YTHDC2: variants seen among roughly 807,000 people sequenced by gnomAD.
YTHDC2 encodes the protein 3'-5' RNA helicase YTHDC2.
In YTHDC2, 45 loss-of-function variants were observed where a neutral mutation model predicts 174.9. The ratio of observed to expected loss-of-function variants is 0.26; its 90% CI spans 0.20 to 0.33. YTHDC2 has a LOEUF of 0.33. YTHDC2 is among the 10% of genes least tolerant of loss of function. YTHDC2 has a pLI of 1.00. For synonymous variants in YTHDC2, 657 were observed against 574.5 expected (o/e 1.14, Z -2.05); for missense variants, 1,650 against 1,723.7 (o/e 0.96, Z 0.76).
At position 113,516,767 on chromosome 5, in the gene YTHDC2, A is replaced by C. The variant is rs192414680; in HGVS notation, c.278+1405A>C. Among the ~76,000 whole-genome samples the C allele has an allele frequency of 2.1e-3, 322 of 152,350 alleles. 3 individuals carry two copies. Among genetic ancestry groups the C allele is most frequent in the Non-Finnish European group, 2.6e-3 (180 of 68,026 alleles). On this transcript the variant is annotated intron_variant, in intron 2 of 29. Coordinates refer to ENST00000161863, the MANE Select transcript of YTHDC2 (RefSeq NM_022828.5). Reference sequence around the variant, plus strand: ...GAAGAGGGAAAACAAAACTTTATTAAGTAAATATATTAATAAATATTCAGA... The same window carrying C: ...GAAGAGGGAAAACAAAACTTTATTACGTAAATATATTAATAAATATTCAGA...
intron 4 of YTHDC2, among the ~76,000 whole-genome samples, chr5:113,530,041 A>G (rs1774546462): frequency 6.6e-6 from 1 of 152,096 alleles, no homozygotes; most frequent in Admixed American, 6.6e-5. Flanking sequence ...GCCTCAAGGG[A>G]TCCTCCTGCT....
chr5:113,571,655 T>C, intron 23 of YTHDC2, among the ~76,000 whole-genome samples: 1 of 152,190 alleles, frequency 6.6e-6, no homozygotes, highest in East Asian at 1.9e-4. Context: ...TTTCCAAACT[T>C]GTTATTGGTC....
Position 113,560,008 on chromosome 5 carries a change from G to C in YTHDC2, c.2217-1072G>C, listed in dbSNP as rs1776852172. The stretch of plus-strand genomic sequence containing the variant: ...GCTTATTATGACAGTGTTTTGAGAA[G>C]AGTTAGCTAAAGCTTTAGCAGAAAA... On this transcript the variant is annotated intron_variant, in intron 17 of 29. Transcript: ENST00000161863. Among the ~76,000 whole-genome samples, 3 of 152,192 alleles carry C rather than the reference G, an allele frequency of 2.0e-5. No individual in the cohort carries two copies. The South Asian group carries it at 6.2e-4, about 32-fold the overall frequency.
chr5:113,588,183 G>C (rs762479567), intron 26 of YTHDC2, among the ~76,000 whole-genome samples: 23 of 151,848 alleles, frequency 1.5e-4, no homozygotes, highest in Non-Finnish European at 2.9e-4. Flanking sequence ...TTTTCAATCT[G>C]ATTGCTGTTT....
At chr5:113,557,237 CT>C (rs1054554951) in intron 17 of YTHDC2, among the ~76,000 whole-genome samples, 1 of 151,974 alleles carries the variant, frequency 6.6e-6, no homozygotes, top group Non-Finnish European at 1.5e-5. Context: ...GTTTGGGTTA[CT>C]TTTTAATTTT....
intron 23 of YTHDC2, among the ~76,000 whole-genome samples, chr5:113,572,439 C>T (rs62373767): frequency 6.6e-6 from 1 of 152,202 alleles, no homozygotes; most frequent in Admixed American, 6.5e-5. Context: ...AATGTATATT[C>T]TCTTGTTTTT....
chr5:113,578,060 G>A (rs765575326), intron 23 of YTHDC2, among the ~76,000 whole-genome samples: 9 of 151,980 alleles, frequency 5.9e-5, no homozygotes, highest in Non-Finnish European at 1.2e-4. Context: ...ACTGAATTAA[G>A]GTCCATTTTG....
At chr5:113,540,660 G>A (rs1010251021) in intron 8 of YTHDC2, among the ~76,000 whole-genome samples, 1 of 152,100 alleles carries the variant, frequency 6.6e-6, no homozygotes, top group Non-Finnish European at 1.5e-5. Context: ...GGGGGAAACT[G>A]CCCCCATGAT....
At chr5:113,515,093 T>G (rs1354494378) in intron 1 of YTHDC2, among the ~76,000 whole-genome samples, 179 bp from the exon 2 acceptor site, 1 of 152,112 alleles carries the variant, frequency 6.6e-6, no homozygotes, top group African/African-American at 2.4e-5. Flanking sequence ...ATTGAATTAA[T>G]AAAATATCTT....
chr5:113,581,236 T>C (rs1313541480), intron 24 of YTHDC2, 181 bp from the exon 25 acceptor site: 7 of 533,216 alleles, frequency 1.3e-5, no homozygotes, highest in Non-Finnish European at 2.1e-5. Context: ...TCTTAGTGCC[T>C]AAAATATTAT....
chr5:113,533,567 G>T (rs577512235), intron 5 of YTHDC2, among the ~76,000 whole-genome samples: 1 of 151,418 alleles, frequency 6.6e-6, no homozygotes, highest in African/African-American at 2.4e-5. Flanking sequence ...AAAAAATTCC[G>T]TTTCCTAGTT....
Position 113,513,884 on chromosome 5 carries a change from C to T in YTHDC2, c.-12C>T. On this transcript the variant is annotated 5_prime_UTR_variant, in exon 1 of 30. Coordinates refer to ENST00000161863, the MANE Select transcript of YTHDC2 (RefSeq NM_022828.5). ...GGCCGCTCCCGTGCGGAGAGACCAT[C>T]TCTTCAGGGCAATGTCCAGGCCGAG... 6.3e-7 allele frequency: 1 copy of T among 1,591,776 alleles called. No homozygotes were observed. The highest frequency in any genetic ancestry group is 8.5e-7 in the Non-Finnish European group (1 of 1,172,334).
At chr5:113,572,068 T>A (rs577791040) in intron 23 of YTHDC2, among the ~76,000 whole-genome samples, 44 of 152,290 alleles carry the variant, frequency 2.9e-4, no homozygotes, top group African/African-American at 9.9e-4. Flanking sequence ...GTTAGGTGGT[T>A]AACTTGAAAT....
At chr5:113,535,502 A>G (rs1580513333) in intron 6 of YTHDC2, 140 bp from the exon 7 acceptor site, 1 of 746,420 alleles carries the variant, frequency 1.3e-6, no homozygotes, top group East Asian at 3.2e-5. Context: ...TTCCTGTAAT[A>G]CAAAATTTTC....
At chr5:113,520,125 C>T (rs534565365) in intron 2 of YTHDC2, among the ~76,000 whole-genome samples, 1 of 152,226 alleles carries the variant, frequency 6.6e-6, no homozygotes, top group East Asian at 1.9e-4. Context: ...TTTTCAACTG[C>T]CAGTTATGAG....
At chr5:113,584,057 T>C in intron 25 of YTHDC2, 2 of 299,844 alleles carry the variant, frequency 6.7e-6, no homozygotes, top group Non-Finnish European at 1.2e-5. Context: ...GATAAGGAAA[T>C]TAAAGTTCCA....
chr5:113,518,301 A>G (rs985953709), intron 2 of YTHDC2, among the ~76,000 whole-genome samples: 2 of 151,032 alleles, frequency 1.3e-5, no homozygotes, highest in African/African-American at 2.5e-5. Flanking sequence ...CCCAGGCCCA[A>G]TCAATCCTCT....
At chr5:113,548,485 A>T in intron 10 of YTHDC2, 56 bp from the exon 11 acceptor site, 1 of 1,510,282 alleles carries the variant, frequency 6.6e-7, no homozygotes. Context: ...TAAAGAATGA[A>T]AATGGTTTGA....
At chr5:113,544,830 G>A (rs1339884449) in intron 10 of YTHDC2, among the ~76,000 whole-genome samples, 1 of 151,942 alleles carries the variant, frequency 6.6e-6, no homozygotes, top group African/African-American at 2.4e-5. Flanking sequence ...ATAGTATCCA[G>A]TTCTGAGTGT....
Sources: allele counts gnomAD v4.1 joint callset (sites outside exome capture counted in the v4.1 genomes callset), GRCh38; gene constraint gnomAD v4.1.1; transcripts MANE v1.5; gene names NCBI Gene and HGNC (gene_info 2026-07-23, HGNC 2026-07-21).